The following DAAM1 variants were observed in gnomAD, a reference collection of about 807,000 sequenced individuals.
DAAM1 encodes the protein disheveled-associated activator of morphogenesis 1.
In DAAM1, 52 loss-of-function variants were observed where a neutral mutation model predicts 130.0. The observed-to-expected ratio is 0.40, with a 90% CI of 0.32 to 0.50. The LOEUF is 0.50. Among genes scored for constraint, DAAM1 ranks in the 20% least tolerant of loss-of-function variants. DAAM1 has a pLI of 0.61. For synonymous variants in DAAM1, 452 were observed against 444.5 expected (o/e 1.02, Z -0.21); for missense variants, 1,134 against 1,303.8 (o/e 0.87, Z 2.01).
chr14:59,262,379 A>G (rs541622113), intron 1 of DAAM1, among the ~76,000 whole-genome samples: 1 of 152,000 alleles, frequency 6.6e-6, no homozygotes, highest in African/African-American at 2.4e-5. Context: ...TTCCAAGGCA[A>G]TATATACAGT....
At chr14:59,271,299 A>G (rs1882695239) in intron 2 of DAAM1, among the ~76,000 whole-genome samples, 1 of 152,188 alleles carries the variant, frequency 6.6e-6, no homozygotes, top group African/African-American at 2.4e-5. Flanking sequence ...GAGAAAATAT[A>G]AAAGGAAAAC....
chr14:59,366,757 T>C (rs1566512642), intron 23 of DAAM1, among the ~76,000 whole-genome samples: 1 of 152,084 alleles, frequency 6.6e-6, no homozygotes, highest in Non-Finnish European at 1.5e-5. Context: ...CCATCAGTTA[T>C]ATTTGACTCA....
chr14:59,238,740 A>G (rs61986027), intron 1 of DAAM1, among the ~76,000 whole-genome samples: 10,171 of 152,282 alleles, frequency 0.067, 448 homozygotes, highest in Non-Finnish European at 0.1. Context: ...ATGAAACACT[A>G]TAATATTACT....
intron 1 of DAAM1, among the ~76,000 whole-genome samples, chr14:59,196,742 C>CA (rs1249026300): frequency 6.6e-6 from 1 of 150,480 alleles, no homozygotes; most frequent in East Asian, 2.0e-4. Flanking sequence ...GATTCTGTCT[C>CA]AAAAAACAAA....
chr14:59,303,387 C>T (rs1200963031), intron 3 of DAAM1, among the ~76,000 whole-genome samples: 1 of 152,140 alleles, frequency 6.6e-6, no homozygotes, highest in African/African-American at 2.4e-5. Context: ...CCAGTGGTCC[C>T]CTGAGGGACA....
Position 59,369,026 on chromosome 14 carries a change from T to C in DAAM1, c.*167T>C. 2 of 603,926 alleles carry C rather than the reference T, an allele frequency of 3.3e-6. No homozygotes were observed. Among genetic ancestry groups the C allele is most frequent in the South Asian group, 4.3e-5 (2 of 46,092 alleles). 37.4% of individuals were successfully genotyped at this position (603,926 alleles called of 1,614,324 possible). A position where few individuals can be genotyped will look rare whatever the true frequency, so the allele number is the denominator to read the frequency against. ...ATGTATGTGTGTATATATTAAAAAA[T>C]GTATATAGATGTCTGAGTGTTGTCT... On this transcript the variant is annotated 3_prime_UTR_variant, in exon 25 of 25. Transcript: ENST00000360909.
intron 2 of DAAM1, among the ~76,000 whole-genome samples, chr14:59,270,567 AAC>A (rs1882666893): frequency 6.6e-6 from 1 of 152,136 alleles, no homozygotes; most frequent in South Asian, 2.1e-4. Context: ...TTTGGAGGGG[AAC>A]ACACATCCAA....
At chr14:59,210,252 C>G (rs1286878945) in intron 1 of DAAM1, among the ~76,000 whole-genome samples, 1 of 152,220 alleles carries the variant, frequency 6.6e-6, no homozygotes, top group Non-Finnish European at 1.5e-5. Flanking sequence ...TCACCATTGC[C>G]TACAATGAGT....
intron 2 of DAAM1, 140 bp from the exon 3 acceptor site, chr14:59,291,077 C>A: frequency 2.8e-6 from 2 of 710,910 alleles, no homozygotes; most frequent in South Asian, 3.9e-5. Context: ...ACATACCTAA[C>A]TTAGCTTCTT....
intron 3 of DAAM1, among the ~76,000 whole-genome samples, chr14:59,294,131 G>A (rs1361537935): frequency 6.6e-6 from 1 of 152,184 alleles, no homozygotes; most frequent in Non-Finnish European, 1.5e-5. Flanking sequence ...GGCCACTGAA[G>A]CCAACCGAAA....
intron 1 of DAAM1, among the ~76,000 whole-genome samples, chr14:59,255,464 AGAG>A (rs1346251603): frequency 6.6e-6 from 1 of 152,134 alleles, no homozygotes; most frequent in Non-Finnish European, 1.5e-5. Context: ...GGAATGTGAG[AGAG>A]GAGAGGGATG....
intron 24 of DAAM1, 51 bp from the exon 25 acceptor site, chr14:59,368,599 A>G (rs1390418589): frequency 6.4e-7 from 1 of 1,566,390 alleles, no homozygotes; most frequent in Non-Finnish European, 8.7e-7. Flanking sequence ...ACTGCAAACA[A>G]AATGCAACAT....
intron 4 of DAAM1, 147 bp from the exon 5 acceptor site, chr14:59,320,343 T>A: frequency 1.5e-6 from 1 of 661,054 alleles, no homozygotes; most frequent in Non-Finnish European, 2.4e-6. Context: ...AAGGCTTTAT[T>A]TAAAATTTGA....
chr14:59,284,227 G>A (rs1022229305), intron 2 of DAAM1, among the ~76,000 whole-genome samples: 2 of 152,148 alleles, frequency 1.3e-5, no homozygotes, highest in African/African-American at 2.4e-5. Context: ...TAGGACATAA[G>A]TGTTCGTGGT....
chr14:59,343,818 C>T lies in DAAM1; in HGVS notation c.2075+3638C>T, dbSNP rs568165830. On this transcript the variant is annotated intron_variant, in intron 16 of 24. Transcript: ENST00000360909. ...TTGCAGCATGAGTGACCAAATCATT[C>T]GAAGCTCTCAGAAAGAGATGGCCTA... Among the ~76,000 whole-genome samples the T allele has an allele frequency of 1.3e-3, 205 of 152,160 alleles. 1 individual carries two copies. The highest frequency in any genetic ancestry group is 2.4e-3 in the Non-Finnish European group (165 of 67,998).
At chr14:59,344,889 A>G (rs1886009598) in intron 16 of DAAM1, among the ~76,000 whole-genome samples, 1 of 152,128 alleles carries the variant, frequency 6.6e-6, no homozygotes, top group Non-Finnish European at 1.5e-5. Flanking sequence ...AAACAGAAGG[A>G]CTCAGCAGAA....
intron 22 of DAAM1, among the ~76,000 whole-genome samples, chr14:59,361,145 T>C (rs147235259): frequency 6.6e-6 from 1 of 152,178 alleles, no homozygotes; most frequent in East Asian, 1.9e-4. Context: ...TCAGGATGAG[T>C]GGGCTGGGCT....
chr14:59,363,791 C>G lies in DAAM1; in HGVS notation c.2826+9C>G. ...CAGAAGCTAAAGACCTGGTAAGTTTCCCCCTTGTGCACTGAGTGTTGTTTG... is the reference window on the plus strand; with the variant it reads ...CAGAAGCTAAAGACCTGGTAAGTTTGCCCCTTGTGCACTGAGTGTTGTTTG... On this transcript the variant is annotated intron_variant, in intron 23 of 24. Coordinates refer to ENST00000360909, the MANE Select transcript of DAAM1 (RefSeq NM_001270520.2). 5 of 1,613,064 alleles carry G rather than the reference C, an allele frequency of 3.1e-6. No homozygotes were observed. Among genetic ancestry groups the G allele is most frequent in the Non-Finnish European group, 4.2e-6 (5 of 1,179,820 alleles).
At chr14:59,305,540 T>G (rs956007604) in intron 3 of DAAM1, among the ~76,000 whole-genome samples, 5 of 152,222 alleles carry the variant, frequency 3.3e-5, no homozygotes, top group Admixed American at 1.3e-4. Context: ...AAATCTCAGT[T>G]CTTAGTTCTA....
Sources: gnomAD v4.1 joint callset for allele counts (sites outside exome capture counted in the v4.1 genomes callset) on GRCh38, gnomAD v4.1.1 for gene constraint, MANE v1.5 for transcripts, NCBI Gene and HGNC (gene_info 2026-07-23, HGNC 2026-07-21) for gene names.